MAP2K4: variants seen among roughly 807,000 people sequenced by gnomAD.
The protein encoded by MAP2K4 is mitogen-activated protein kinase kinase 4, also known as dual specificity mitogen-activated protein kinase kinase 4.
MAP2K4 carries 4 observed loss-of-function variants against 48.5 expected under a neutral mutation model. The ratio of observed to expected loss-of-function variants is 0.08; its 90% CI spans 0.04 to 0.19. The LOEUF is 0.19. MAP2K4 is among the 10% of genes least tolerant of loss of function. The pLI, the probability that MAP2K4 is intolerant of heterozygous loss-of-function variation, is 1.00. For missense variants in MAP2K4, 258 were observed against 493.3 expected, an observed-to-expected ratio of 0.52 and a Z score of 4.52; for synonymous variants, 166 against 173.1, an observed-to-expected ratio of 0.96 and a Z score of 0.32.
intron 1 of MAP2K4, among the ~76,000 whole-genome samples, chr17:12,050,021 G>A (rs1483858524): frequency 6.6e-6 from 1 of 152,162 alleles, no homozygotes; most frequent in African/African-American, 2.4e-5. Context: ...TTAAACAAGG[G>A]CTATCAAATA....
chr17:12,084,980 C>A (rs1971312683), intron 3 of MAP2K4, among the ~76,000 whole-genome samples: 1 of 152,112 alleles, frequency 6.6e-6, no homozygotes, highest in African/African-American at 2.4e-5. Flanking sequence ...GCTCAGATGG[C>A]TGACAGAGGG....
chr17:12,029,321 G>T (rs1019671901), intron 1 of MAP2K4, among the ~76,000 whole-genome samples: 1 of 152,014 alleles, frequency 6.6e-6, no homozygotes, highest in Non-Finnish European at 1.5e-5. Context: ...TCAGTGTCAA[G>T]AATTAAGAAT....
At chr17:12,073,280 T>C (rs933557836) in intron 2 of MAP2K4, among the ~76,000 whole-genome samples, 22 of 152,132 alleles carry the variant, frequency 1.4e-4, no homozygotes, top group African/African-American at 5.3e-4. Flanking sequence ...AGAGGGAGGA[T>C]GCTGATGAAT....
intron 2 of MAP2K4, among the ~76,000 whole-genome samples, chr17:12,071,275 G>A (rs1367209951): frequency 6.6e-6 from 1 of 152,152 alleles, no homozygotes; most frequent in East Asian, 1.9e-4. Flanking sequence ...CCCTACTACA[G>A]ATGGTATTGA....
At chr17:12,071,239 T>G (rs573822658) in intron 2 of MAP2K4, among the ~76,000 whole-genome samples, 11 of 152,334 alleles carry the variant, frequency 7.2e-5, no homozygotes, top group African/African-American at 2.4e-4. Flanking sequence ...TATCTTTTTT[T>G]TGTGTGGTGG....
At chr17:12,071,774 T>C (rs1158150776) in intron 2 of MAP2K4, among the ~76,000 whole-genome samples, 1 of 152,070 alleles carries the variant, frequency 6.6e-6, no homozygotes, top group East Asian at 1.9e-4. Context: ...TACACACCAA[T>C]GTATAGACCA....
intron 1 of MAP2K4, among the ~76,000 whole-genome samples, chr17:12,048,951 C>CTGACCTAACATCTCTTT (rs1342200421): frequency 3.3e-5 from 5 of 152,214 alleles, no homozygotes; most frequent in African/African-American, 1.2e-4. Context: ...GCCACCGTGC[C>CTGACCTAACATCTCTTT]TGACCTAACA....
chr17:12,131,492 G>T lies in MAP2K4; in HGVS notation c.1040+2205G>T, dbSNP rs184185239. On this transcript the variant is annotated intron_variant, in intron 9 of 10. Transcript: ENST00000353533. ...GAACTTCTGACCTCGTGATCTGCCCGCCTCGACCTCCCAGAGCGCTGGGAT... is the reference window on the plus strand; with the variant it reads ...GAACTTCTGACCTCGTGATCTGCCCTCCTCGACCTCCCAGAGCGCTGGGAT... Among the ~76,000 whole-genome samples, 6 of 151,556 alleles carry T rather than the reference G, an allele frequency of 4.0e-5. No homozygotes were observed. In the East Asian group the frequency reaches 7.8e-4, roughly 20 times the overall value.
At chr17:12,051,246 T>C (rs1165915638) in intron 1 of MAP2K4, among the ~76,000 whole-genome samples, 1 of 152,174 alleles carries the variant, frequency 6.6e-6, no homozygotes, top group East Asian at 1.9e-4. Context: ...TTTGGAAGTG[T>C]GATGAGGACA....
chr17:12,062,872 T>C (rs1187579173), intron 2 of MAP2K4, among the ~76,000 whole-genome samples: 1 of 152,084 alleles, frequency 6.6e-6, no homozygotes, highest in African/African-American at 2.4e-5. Context: ...TCTTGCTGTG[T>C]TTGCATTCTT....
At chr17:12,135,582 C>T (rs1026597157) in intron 9 of MAP2K4, among the ~76,000 whole-genome samples, 1 of 151,256 alleles carries the variant, frequency 6.6e-6, no homozygotes, top group Non-Finnish European at 1.5e-5. Flanking sequence ...CAGAGTCTGG[C>T]TCTGTCGCAC....
At chr17:12,068,107 G>C (rs1970673710) in intron 2 of MAP2K4, among the ~76,000 whole-genome samples, 1 of 152,134 alleles carries the variant, frequency 6.6e-6, no homozygotes, top group Admixed American at 6.5e-5. Flanking sequence ...TATTCAACTT[G>C]TCATGGAATG....
Position 12,136,406 on chromosome 17 carries a change from A to G in MAP2K4, c.1041-3433A>G, listed in dbSNP as rs79140704. Among the ~76,000 whole-genome samples the G allele has an allele frequency of 6.2e-3, 948 of 152,374 alleles. 2 individuals carry two copies. Among genetic ancestry groups the G allele is most frequent in the East Asian group, 0.036 (188 of 5,194 alleles). ...TAAATTAAAACAATAGCTGCATTCA[A>G]CAGATTAGATATCATTGAAGAGAGA... is the stretch of plus-strand genomic sequence containing the variant. On this transcript the variant is annotated intron_variant, in intron 9 of 10. Transcript: ENST00000353533.
chr17:12,112,813 C>A (rs559642991), intron 6 of MAP2K4, among the ~76,000 whole-genome samples: 1 of 152,254 alleles, frequency 6.6e-6, no homozygotes, highest in East Asian at 1.9e-4. Flanking sequence ...CTCTTGAAAA[C>A]AATTTAATGC....
chr17:12,066,628 C>T (rs781311643), intron 2 of MAP2K4, among the ~76,000 whole-genome samples: 22 of 152,304 alleles, frequency 1.4e-4, no homozygotes, highest in Non-Finnish European at 2.2e-4. Context: ...CTCCCAGGTT[C>T]AAGTGATTCT....
chr17:12,135,075 G>GT lies in MAP2K4; in HGVS notation c.1041-4757dup, dbSNP rs199758448. On this transcript the variant is annotated intron_variant, in intron 9 of 10. Transcript: ENST00000353533. ...GTGCCACTACACCTGGCTAATTTTTGTTTTTTTGTTGTTTTTTGCTTTTTT... is the reference window on the plus strand; with the variant it reads ...GTGCCACTACACCTGGCTAATTTTTGTTTTTTTTGTTGTTTTTTGCTTTTTT... Among the ~76,000 whole-genome samples the GT allele has an allele frequency of 6.2e-3, 948 of 151,682 alleles. 2 individuals are homozygous for GT. Among genetic ancestry groups the GT allele is most frequent in the East Asian group, 0.036 (185 of 5,146 alleles).
intron 3 of MAP2K4, among the ~76,000 whole-genome samples, chr17:12,083,580 C>T (rs1279773280): frequency 6.6e-6 from 1 of 152,182 alleles, no homozygotes; most frequent in Non-Finnish European, 1.5e-5. Flanking sequence ...CATCAATTAA[C>T]ATATAGTTGA....
chr17:12,088,543 T>TATATCTAATATATAATATATATTAAATA (rs1567653701), intron 3 of MAP2K4, among the ~76,000 whole-genome samples: 4 of 22,440 alleles, frequency 1.8e-4, no homozygotes, highest in African/African-American at 2.6e-4. Context: ...TATATTAAAT[T>TATATCTAATATATAATATATATTAAATA]ATATCTAATA....
At chr17:12,054,769 C>T in intron 1 of MAP2K4, 120 bp from the exon 2 acceptor site, 19 of 545,704 alleles carry the variant, frequency 3.5e-5, no homozygotes, top group South Asian at 9.1e-5. Flanking sequence ...AAATATTGTC[C>T]TATATTAACT....
Sources: gnomAD v4.1 joint callset for allele counts (sites outside exome capture counted in the v4.1 genomes callset) on GRCh38, gnomAD v4.1.1 for gene constraint, MANE v1.5 for transcripts, NCBI Gene and HGNC (gene_info 2026-07-23, HGNC 2026-07-21) for gene names.